The following ZNF438 variants were observed in gnomAD, a reference collection of about 807,000 sequenced individuals.
The protein encoded by ZNF438 is zinc finger protein 438.
A neutral mutation model predicts 38.0 loss-of-function variants in ZNF438; 25 were observed. That is an observed-to-expected ratio of 0.66 (90% CI 0.48 to 0.92). The LOEUF is 0.92. ZNF438 is among the 40% of genes least tolerant of loss of function. The probability of loss-of-function intolerance (pLI) is 0.00; values close to 1 mark genes in which losing one functional copy is unlikely to be tolerated. For missense variants in ZNF438, 1,007 were observed against 999.6 expected (o/e 1.01, Z -0.10); for synonymous variants, 372 against 364.1 (o/e 1.02, Z -0.25).
intron 2 of ZNF438, among the ~76,000 whole-genome samples, chr10:30,928,354 T>C (rs1212413280): frequency 6.6e-6 from 1 of 152,206 alleles, no homozygotes; most frequent in Admixed American, 6.5e-5. Context: ...CAACTTTTGA[T>C]GTCTCCTCTA....
At chr10:30,941,350 G>C (rs1311790222) in intron 2 of ZNF438, among the ~76,000 whole-genome samples, 1 of 152,138 alleles carries the variant, frequency 6.6e-6, no homozygotes, top group African/African-American at 2.4e-5. Context: ...GGCATTACAG[G>C]CATGAGCCAC....
chr10:30,971,972 CTT>C (rs11320310), intron 1 of ZNF438, among the ~76,000 whole-genome samples: 5,007 of 147,018 alleles, frequency 0.034, 272 homozygotes, highest in African/African-American at 0.12. Flanking sequence ...GCCCTTGATT[CTT>C]TTTTTTTTTT....
At chr10:30,997,412 G>T (rs1046074918) in intron 1 of ZNF438, among the ~76,000 whole-genome samples, 3 of 152,110 alleles carry the variant, frequency 2.0e-5, no homozygotes, top group African/African-American at 7.2e-5. Context: ...TGAAGAAAAA[G>T]AATGAGAAGA....
intron 1 of ZNF438, among the ~76,000 whole-genome samples, chr10:30,958,608 T>C (rs1386120172): frequency 6.8e-6 from 1 of 147,106 alleles, no homozygotes; most frequent in African/African-American, 2.4e-5. Context: ...GACAGTTCAA[T>C]GACGTTTTAG....
chr10:31,014,792 A>G (rs899209073), intron 1 of ZNF438, among the ~76,000 whole-genome samples: 2 of 152,178 alleles, frequency 1.3e-5, no homozygotes, highest in Non-Finnish European at 2.9e-5. Context: ...TACAGTAAAC[A>G]TGCAATAAAT....
chr10:30,993,948 G>T (rs1009122117), intron 1 of ZNF438, among the ~76,000 whole-genome samples: 14 of 152,222 alleles, frequency 9.2e-5, no homozygotes, highest in African/African-American at 3.4e-4. Flanking sequence ...TTTCCTTGTT[G>T]GGTTTTCGTT....
At chr10:30,852,990 C>A (rs2033958717) in intron 4 of ZNF438, among the ~76,000 whole-genome samples, 1 of 151,012 alleles carries the variant, frequency 6.6e-6, no homozygotes. Context: ...GGAAGAAGTA[C>A]CAAAATAAGT....
intron 1 of ZNF438, among the ~76,000 whole-genome samples, chr10:31,008,159 ATATC>A (rs1016840254): frequency 1.3e-5 from 2 of 152,222 alleles, no homozygotes; most frequent in African/African-American, 2.4e-5. Flanking sequence ...GCAAGGAAAA[ATATC>A]TAAGTCATCC....
chr10:30,900,295 T>G (rs2041830927), intron 3 of ZNF438, among the ~76,000 whole-genome samples: 1 of 152,144 alleles, frequency 6.6e-6, no homozygotes, highest in African/African-American at 2.4e-5. Flanking sequence ...CAGGCCCAAT[T>G]TGGTTTGCTA....
Position 31,023,175 on chromosome 10 carries a change from T to C in ZNF438, c.-192+8658A>G, listed in dbSNP as rs565797800. On this transcript the variant is annotated intron_variant, in intron 1 of 5. Transcript: ENST00000413025. The stretch of plus-strand genomic sequence containing the variant: ...TAATATAATCACTAATCTTTCATAA[T>C]GTTGATCAGAATACTTTCCAAGTAA... 2.4e-3 allele frequency among the ~76,000 whole-genome samples: 365 copies of C among 152,338 alleles called. 2 individuals carry two copies. Among genetic ancestry groups the C allele is most frequent in the African/African-American group, 8.6e-3 (359 of 41,586 alleles).
chr10:30,976,675 T>C (rs1285010829), intron 1 of ZNF438, among the ~76,000 whole-genome samples: 1 of 151,544 alleles, frequency 6.6e-6, no homozygotes, highest in East Asian at 1.9e-4. Flanking sequence ...GATTGGAAGG[T>C]GCAATGAGCT....
At chr10:30,913,127 A>C (rs2043247180) in intron 2 of ZNF438, among the ~76,000 whole-genome samples, 1 of 152,080 alleles carries the variant, frequency 6.6e-6, no homozygotes, top group Non-Finnish European at 1.5e-5. Flanking sequence ...AGCACCATCC[A>C]CGCTGCAGCC....
chr10:31,009,560 G>A (rs1246414334), intron 1 of ZNF438, among the ~76,000 whole-genome samples: 4 of 152,066 alleles, frequency 2.6e-5, no homozygotes, highest in Non-Finnish European at 5.9e-5. Context: ...CCTAGCTCAC[G>A]TGCATCCATG....
rs1007372246 is a variant in ZNF438 at position 30,910,702 on chromosome 10, A to G, written c.-114-1687T>C. ...ATTGGCCAAAAAAAAAAAAAAAAAA[A>G]GCCGCCTATATTTAGAGAAACTCAT... is the stretch of plus-strand genomic sequence containing the variant. On this transcript the variant is annotated intron_variant, in intron 2 of 5. Coordinates refer to ENST00000413025, the Ensembl canonical transcript of ZNF438. 8.0e-5 allele frequency among the ~76,000 whole-genome samples: 12 copies of G among 150,874 alleles called. No homozygotes were observed. The South Asian group carries it at 1.0e-3, about 13-fold the overall frequency.
chr10:30,983,267 A>ACT (rs888319887), intron 1 of ZNF438, among the ~76,000 whole-genome samples: 1 of 152,222 alleles, frequency 6.6e-6, no homozygotes, highest in African/African-American at 2.4e-5. Flanking sequence ...GTTATAAAGA[A>ACT]CTATCTGAGA....
intron 1 of ZNF438, among the ~76,000 whole-genome samples, chr10:30,990,803 C>T (rs188977567): frequency 1.0e-4 from 15 of 150,294 alleles, no homozygotes; most frequent in Admixed American, 6.6e-4. Context: ...GGAGAAGGAA[C>T]GTAAAGATTA....
chr10:31,024,023 A>G (rs1199191988), intron 1 of ZNF438, among the ~76,000 whole-genome samples: 1 of 152,244 alleles, frequency 6.6e-6, no homozygotes, highest in Non-Finnish European at 1.5e-5. Context: ...AAGTCAAATT[A>G]GAATAGGCTT....
chr10:30,881,629 ATTTAATTT>A (rs2039274362), intron 3 of ZNF438, among the ~76,000 whole-genome samples: 1 of 152,142 alleles, frequency 6.6e-6, no homozygotes, highest in Non-Finnish European at 1.5e-5. Context: ...AAATTAACCA[ATTTAATTT>A]TTAAAATTCA....
chr10:30,949,998 G>A (rs2047968246), intron 1 of ZNF438, among the ~76,000 whole-genome samples: 1 of 152,066 alleles, frequency 6.6e-6, no homozygotes, highest in Non-Finnish European at 1.5e-5. Flanking sequence ...ATACTTGGTA[G>A]TAAAGCTCTC....
Sources: allele counts gnomAD v4.1 joint callset (sites outside exome capture counted in the v4.1 genomes callset), GRCh38; gene constraint gnomAD v4.1.1; transcripts MANE v1.5; gene names NCBI Gene and HGNC (gene_info 2026-07-23, HGNC 2026-07-21).